ARFGEF1: variants seen among roughly 807,000 people sequenced by gnomAD.
ARFGEF1 encodes the protein brefeldin A-inhibited guanine nucleotide-exchange protein 1.
In ARFGEF1, 42 loss-of-function variants were observed where a neutral mutation model predicts 231.0. The ratio of observed to expected loss-of-function variants is 0.18; its 90% CI spans 0.14 to 0.24. ARFGEF1 has a LOEUF of 0.24. Ranked by LOEUF, ARFGEF1 falls within the 10% of genes least tolerant of loss-of-function variation. The pLI, the probability that ARFGEF1 is intolerant of heterozygous loss-of-function variation, is 1.00. For missense variants in ARFGEF1, 1,345 were observed against 2,192.0 expected (o/e 0.61, Z 7.72); for synonymous variants, 710 against 732.3 (o/e 0.97, Z 0.49).
At chr8:67,259,464 G>A (rs947882282) in intron 15 of ARFGEF1, among the ~76,000 whole-genome samples, 1 of 152,124 alleles carries the variant, frequency 6.6e-6, no homozygotes, top group Non-Finnish European at 1.5e-5. Flanking sequence ...CTGACCTCAG[G>A]TGATCTACCC....
rs186976922 is a variant in ARFGEF1, at chr8:67,288,230, T to A, written c.917-165A>T. ...TTATATGCTAAACCTTCAAAATGTATACCAAAACTTAAATATTTTCCAAAT... is the reference window on the plus strand; with the variant it reads ...TTATATGCTAAACCTTCAAAATGTAAACCAAAACTTAAATATTTTCCAAAT... On this transcript the variant is annotated intron_variant, in intron 6 of 38. Coordinates refer to ENST00000262215, the MANE Select transcript of ARFGEF1 (RefSeq NM_006421.5). 1.7e-3 allele frequency among the ~76,000 whole-genome samples: 261 copies of A among 151,984 alleles called. 4 individuals carry two copies. Among genetic ancestry groups the A allele is most frequent in the Admixed American group, 3.5e-3 (54 of 15,256 alleles).
chr8:67,287,840 T>C, intron 7 of ARFGEF1, 115 bp downstream of exon 7: 5 of 613,968 alleles, frequency 8.1e-6, no homozygotes, highest in Non-Finnish European at 1.3e-5. Context: ...TAACTTTCCA[T>C]TGGTTGGCTC....
intron 5 of ARFGEF1, among the ~76,000 whole-genome samples, chr8:67,182,281 T>A (rs980760725): frequency 6.6e-6 from 1 of 152,100 alleles, no homozygotes; most frequent in African/African-American, 2.4e-5. Context: ...GTGCTGAGAT[T>A]ACAGGTGTGA....
Position 67,290,922 on chromosome 8 carries a change from G to A in ARFGEF1, c.916+925C>T, listed in dbSNP as rs188134741. ...CTGGGGGGAAAATGTAAAAAGGCAC[G>A]TATTCATGCCACTACTAAGTTTTGG... On this transcript the variant is annotated intron_variant, in intron 6 of 38. Coordinates refer to ENST00000262215, the MANE Select transcript of ARFGEF1 (RefSeq NM_006421.5). 9.9e-5 allele frequency among the ~76,000 whole-genome samples: 15 copies of A among 151,732 alleles called. No homozygotes were observed. The East Asian group carries it at 2.1e-3, about 22-fold the overall frequency.
At chr8:67,342,914 G>A (rs897940875) in intron 1 of ARFGEF1, among the ~76,000 whole-genome samples, 31 of 152,034 alleles carry the variant, frequency 2.0e-4, no homozygotes, top group African/African-American at 7.5e-4. Context: ...GAACCCAGGT[G>A]CCCCGCGATC....
rs767872100 is a variant in ARFGEF1 at position 67,271,780 on chromosome 8, T to C, written c.1494A>G (p.Pro498=). 3.7e-6 allele frequency: 6 copies of C among 1,613,754 alleles called. No homozygotes were observed. The highest frequency in any genetic ancestry group is 1.3e-5 in the African/African-American group (1 of 74,934). Residue 498 remains proline (P), a synonymous_variant, in exon 10 of 39, where the codon CCA becomes CCG. Transcript: ENST00000262215. ...TAGAAAGAGAAAGCTCAAAAACCTC[T>C]GGAACAGATGAGACTCCATTTTTTG... ...ALSKNGVSSV[P]EVFELSLSIF... is the part of the protein sequence containing the mutation.
At chr8:67,293,001 A>G (rs1043961857) in intron 5 of ARFGEF1, among the ~76,000 whole-genome samples, 1 of 152,184 alleles carries the variant, frequency 6.6e-6, no homozygotes, top group Non-Finnish European at 1.5e-5. Flanking sequence ...ATAAAGTCTG[A>G]CAAGATTTGC....
chr8:67,258,297 T>G lies in ARFGEF1; in HGVS notation c.2236-7A>C, dbSNP rs772153471. ...GGAACTCACCCACTTGAGTCTAAAGTAAAAACAGAGATAGAAATTGATATT... is the reference window on the plus strand; with the variant it reads ...GGAACTCACCCACTTGAGTCTAAAGGAAAAACAGAGATAGAAATTGATATT... On this transcript the variant is annotated splice_region_variant and splice_polypyrimidine_tract_variant and intron_variant, in intron 15 of 38. Coordinates refer to ENST00000262215, the MANE Select transcript of ARFGEF1 (RefSeq NM_006421.5). 1 of 1,530,786 alleles carries G rather than the reference T, an allele frequency of 6.5e-7. No individual in the cohort carries two copies. The allele number at this position is 1,530,786 out of a possible 1,614,324, so 94.8% of individuals were successfully genotyped here. A position where few individuals can be genotyped will look rare whatever the true frequency, so the allele number is the denominator to read the frequency against.
chr8:67,225,433 G>A (rs573630225), intron 28 of ARFGEF1, among the ~76,000 whole-genome samples: 4 of 152,126 alleles, frequency 2.6e-5, no homozygotes, highest in Non-Finnish European at 5.9e-5. Flanking sequence ...GCACCTGATC[G>A]GTCCATGGTA....
chr8:67,309,103 A>C (rs1158878998), intron 1 of ARFGEF1, among the ~76,000 whole-genome samples: 1 of 152,228 alleles, frequency 6.6e-6, no homozygotes, highest in East Asian at 1.9e-4. Context: ...TTGCGACAAC[A>C]TAGGCAAGAT....
intron 5 of ARFGEF1, among the ~76,000 whole-genome samples, chr8:67,293,946 T>C (rs1168762732): frequency 6.6e-6 from 1 of 152,112 alleles, no homozygotes; most frequent in Non-Finnish European, 1.5e-5. Context: ...AATAAATAAG[T>C]ACAGTTCGCC....
intron 6 of ARFGEF1, 146 bp downstream of exon 6, chr8:67,291,701 C>A: frequency 9.2e-7 from 1 of 1,081,788 alleles, no homozygotes; most frequent in Non-Finnish European, 1.3e-6. Context: ...ATTTTACCAC[C>A]TACAATGAGG....
intron 3 of ARFGEF1, among the ~76,000 whole-genome samples, chr8:67,300,169 T>C (rs903012549): frequency 3.3e-5 from 5 of 152,200 alleles, no homozygotes; most frequent in African/African-American, 1.2e-4. Flanking sequence ...CAGTATACCC[T>C]GGAAGGAAGG....
chr8:67,297,720 TGCAGG>T (rs1397761094), intron 4 of ARFGEF1, among the ~76,000 whole-genome samples: 6 of 152,226 alleles, frequency 3.9e-5, no homozygotes, highest in African/African-American at 1.4e-4. Context: ...TACAATGCTA[TGCAGG>T]GTCAGCATTA....
chr8:67,269,701 A>G (rs1347907248), intron 10 of ARFGEF1, among the ~76,000 whole-genome samples: 1 of 152,058 alleles, frequency 6.6e-6, no homozygotes, highest in Non-Finnish European at 1.5e-5. Flanking sequence ...AAGTATATCT[A>G]TATTTATCTC....
At chr8:67,211,181 T>C (rs1838731916) in intron 34 of ARFGEF1, among the ~76,000 whole-genome samples, 2 of 151,000 alleles carry the variant, frequency 1.3e-5, no homozygotes, top group Admixed American at 1.3e-4. Context: ...CCGTCTCGAC[T>C]AAAAATACAA....
At chr8:67,197,281 TAA>T (rs745380162), downstream of ARFGEF1, among the ~76,000 whole-genome samples, 1 of 147,972 alleles carries the variant, frequency 6.8e-6, no homozygotes, top group African/African-American at 2.5e-5. Flanking sequence ...ATCCCATCTC[TAA>T]AAAAAAAAAA....
At chr8:67,265,865 CTGAATAGGAGCCT>C in intron 14 of ARFGEF1, 128 bp downstream of exon 14, 1 of 730,480 alleles carries the variant, frequency 1.4e-6, no homozygotes. Flanking sequence ...ACAAGGGGGG[CTGAATAGGAGCCT>C]CGTGAATTAG....
rs1298005132 is a variant in ARFGEF1 at position 67,218,205 on chromosome 8, AAAATATAT to A, written c.4339-75_4339-68del. On this transcript the variant is annotated intron_variant, in intron 30 of 38. Coordinates refer to ENST00000262215, the MANE Select transcript of ARFGEF1 (RefSeq NM_006421.5). ...ACTACTATGATTAAAAAAAAAAAAA[AAAATATAT>A]ATATATATATATATATATATAAATG... The A allele has an allele frequency of 2.4e-4, 37 of 155,604 alleles. 1 individual carries two copies. The highest frequency in any genetic ancestry group is 1.9e-3 in the African/African-American group (32 of 16,418). The allele number at this position is 155,604 out of a possible 1,614,324, so 9.6% of individuals were successfully genotyped here.
Sources: allele counts gnomAD v4.1 joint callset (sites outside exome capture counted in the v4.1 genomes callset), GRCh38; gene constraint gnomAD v4.1.1; transcripts MANE v1.5; gene names NCBI Gene and HGNC (gene_info 2026-07-23, HGNC 2026-07-21).